HIVEP1: variants seen among roughly 807,000 people sequenced by gnomAD.
HIVEP1 encodes zinc finger protein 40.
In HIVEP1, 36 loss-of-function variants were observed where a neutral mutation model predicts 180.0. That is an observed-to-expected ratio of 0.20 (90% CI 0.15 to 0.26). HIVEP1 has a LOEUF of 0.26. Ranked by LOEUF, HIVEP1 falls within the 10% of genes least tolerant of loss-of-function variation. The pLI, the probability that HIVEP1 is intolerant of heterozygous loss-of-function variation, is 1.00. For synonymous variants in HIVEP1, 1,239 were observed against 1,239.0 expected, an observed-to-expected ratio of 1.00 and a Z score of 0.00; for missense variants, 3,143 against 3,268.7, an observed-to-expected ratio of 0.96 and a Z score of 0.94.
At chr6:12,132,424 TAGAA>T (rs1008247596) in intron 6 of HIVEP1, among the ~76,000 whole-genome samples, 12 of 151,966 alleles carry the variant, frequency 7.9e-5, no homozygotes, top group Admixed American at 2.6e-4. Flanking sequence ...TATTTCTCAA[TAGAA>T]AGAAGAAAAA....
At chr6:12,193,761 A>G in the HIVEP1 span, among the ~76,000 whole-genome samples, 1 of 152,332 alleles carries the variant, frequency 6.6e-6, no homozygotes, top group African/African-American at 2.4e-5. Context: ...TATTTCAAAT[A>G]TATTGTTAGG....
chr6:12,189,545 T>C, the HIVEP1 span, among the ~76,000 whole-genome samples: 3 of 152,174 alleles, frequency 2.0e-5, no homozygotes, highest in Non-Finnish European at 4.4e-5. Flanking sequence ...ACCTCATTCA[T>C]AAGTGAAATG....
intron 2 of HIVEP1, among the ~76,000 whole-genome samples, chr6:12,051,437 G>T (rs773498503): frequency 2.2e-4 from 34 of 152,046 alleles, no homozygotes; most frequent in Admixed American, 3.9e-4. Context: ...TGTCAAAAAA[G>T]TCCATCTTCT....
intron 3 of HIVEP1, among the ~76,000 whole-genome samples, chr6:12,107,376 A>G (rs1362081068): frequency 6.6e-6 from 1 of 152,208 alleles, no homozygotes; most frequent in African/African-American, 2.4e-5. Flanking sequence ...TTATCCAGTC[A>G]TAATCTTTTT....
chr6:12,207,428 C>A, the HIVEP1 span, among the ~76,000 whole-genome samples: 1 of 152,180 alleles, frequency 6.6e-6, no homozygotes, highest in African/African-American at 2.4e-5. Context: ...GATCTCTTCT[C>A]CTAGATTATT....
the HIVEP1 span, among the ~76,000 whole-genome samples, chr6:12,182,553 T>C: frequency 6.6e-6 from 1 of 152,188 alleles, no homozygotes; most frequent in Non-Finnish European, 1.5e-5. Flanking sequence ...TTCAGTTTAG[T>C]TCAGGGCTGA....
intron 7 of HIVEP1, among the ~76,000 whole-genome samples, chr6:12,149,126 C>T (rs889864374): frequency 6.6e-6 from 1 of 151,986 alleles, no homozygotes; most frequent in African/African-American, 2.4e-5. Context: ...GGGGTCCTGC[C>T]GCATGTGAAG....
intron 3 of HIVEP1, among the ~76,000 whole-genome samples, chr6:12,104,110 T>C (rs1774263807): frequency 6.6e-6 from 1 of 152,138 alleles, no homozygotes; most frequent in South Asian, 2.1e-4. Flanking sequence ...GGCCTTGTCT[T>C]TGACTTTCAT....
At chr6:12,126,013 T>TA in intron 4 of HIVEP1, 143 bp downstream of exon 4, 1 of 612,768 alleles carries the variant, frequency 1.6e-6, no homozygotes, top group Non-Finnish European at 2.8e-6. Context: ...AAAGACAGGG[T>TA]GATATATTTA....
upstream of HIVEP1, chr6:12,011,899 G>A (rs964550923): frequency 1.5e-5 from 2 of 132,844 alleles, no homozygotes; most frequent in Non-Finnish European, 3.3e-5. Flanking sequence ...GCCGCCCGCG[G>A]CCTCCCCTCC....
chr6:12,041,191 G>A (rs1769669529), intron 2 of HIVEP1, among the ~76,000 whole-genome samples: 1 of 152,150 alleles, frequency 6.6e-6, no homozygotes, highest in South Asian at 2.1e-4. Flanking sequence ...GGAGGCTGAG[G>A]CAGGCGGATC....
the HIVEP1 span, among the ~76,000 whole-genome samples, chr6:12,196,640 CCAT>C: frequency 1.3e-5 from 2 of 152,126 alleles, no homozygotes; most frequent in Non-Finnish European, 1.5e-5. Context: ...TCCTTCCTTC[CCAT>C]CATCATTTGC....
At chr6:12,139,490 A>C (rs1561991935) in intron 7 of HIVEP1, among the ~76,000 whole-genome samples, 1 of 152,236 alleles carries the variant, frequency 6.6e-6, no homozygotes, top group Non-Finnish European at 1.5e-5. Context: ...CTGGTTGGAC[A>C]GTGGGTGCAG....
intron 2 of HIVEP1, among the ~76,000 whole-genome samples, chr6:12,017,565 T>C (rs1380177994): frequency 6.6e-6 from 1 of 152,240 alleles, no homozygotes; most frequent in East Asian, 1.9e-4. Context: ...CCTGCTTTTA[T>C]TCTCCCGTCT....
rs9296246 is a variant in HIVEP1, at chr6:12,051,984, G to T, written c.40+36316G>T. The stretch of plus-strand genomic sequence containing the variant: ...TTCAAAATGAGTTTACATACTGTGT[G>T]GGGGGACTTTCCAACTGAGGATAGC... On this transcript the variant is annotated intron_variant, in intron 2 of 8. Coordinates refer to ENST00000379388, the MANE Select transcript of HIVEP1 (RefSeq NM_002114.4). Among the ~76,000 whole-genome samples, 143 of 151,940 alleles carry T rather than the reference G, an allele frequency of 9.4e-4. 1 individual carries two copies. Among genetic ancestry groups the T allele is most frequent in the Non-Finnish European group, 1.8e-3 (120 of 67,942 alleles).
intron 3 of HIVEP1, among the ~76,000 whole-genome samples, chr6:12,116,085 A>G (rs536482963): frequency 4.1e-4 from 62 of 152,056 alleles, no homozygotes; most frequent in African/African-American, 1.5e-3. Context: ...TTGAAGCACT[A>G]TGGTCTATGC....
intron 3 of HIVEP1, among the ~76,000 whole-genome samples, chr6:12,089,586 T>G (rs1352561416): frequency 6.6e-6 from 1 of 151,302 alleles, no homozygotes; most frequent in African/African-American, 2.4e-5. Context: ...CATGTGTGCA[T>G]TCATGTGATG....
intron 3 of HIVEP1, among the ~76,000 whole-genome samples, chr6:12,095,359 T>C (rs983177019): frequency 6.6e-6 from 1 of 151,982 alleles, no homozygotes; most frequent in African/African-American, 2.4e-5. Flanking sequence ...TTCTGCTCTA[T>C]TGGAATCACT....
At chr6:12,178,782 A>G in the HIVEP1 span, among the ~76,000 whole-genome samples, 3 of 152,214 alleles carry the variant, frequency 2.0e-5, no homozygotes, top group African/African-American at 7.2e-5. Flanking sequence ...CCAAGGGGAC[A>G]TGAACGAAAA....
Sources: allele counts gnomAD v4.1 joint callset (sites outside exome capture counted in the v4.1 genomes callset), GRCh38; gene constraint gnomAD v4.1.1; transcripts MANE v1.5; gene names NCBI Gene and HGNC (gene_info 2026-07-23, HGNC 2026-07-21).